The following IPPK variants were observed in gnomAD, a reference collection of about 807,000 sequenced individuals.
IPPK encodes the protein inositol-pentakisphosphate 2-kinase, also known as IPK1 homolog.
In IPPK, 22 loss-of-function variants were observed where a neutral mutation model predicts 64.6. The ratio of observed to expected loss-of-function variants is 0.34; its 90% CI spans 0.24 to 0.49. The LOEUF (loss-of-function observed/expected upper bound fraction) is 0.49. IPPK is among the 20% of genes least tolerant of loss of function. The pLI is 0.99. For missense variants in IPPK, 532 were observed against 630.7 expected (o/e 0.84, Z 1.68); for synonymous variants, 262 against 247.2 (o/e 1.06, Z -0.56).
intron 9 of IPPK, among the ~76,000 whole-genome samples, chr9:92,637,095 C>T (rs936128941): frequency 7.9e-5 from 12 of 152,020 alleles, no homozygotes; most frequent in Admixed American, 5.2e-4. Context: ...CCAAGGCAGG[C>T]GGATCACTTG....
At chr9:92,628,165 T>C (rs946571532) in intron 11 of IPPK, among the ~76,000 whole-genome samples, 2 of 152,210 alleles carry the variant, frequency 1.3e-5, no homozygotes, top group Non-Finnish European at 2.9e-5. Context: ...GTTTACACTC[T>C]GAAAACTAAA....
At chr9:92,652,725 G>A (rs926965391) in intron 3 of IPPK, 86 bp from the exon 4 acceptor site, 65 of 619,422 alleles carry the variant, frequency 1.0e-4, no homozygotes, top group African/African-American at 3.1e-4. Context: ...AAAAACAGTT[G>A]AGCTGTTGGT....
At chr9:92,618,632 C>A (rs1454675218) in intron 12 of IPPK, 1 of 449,390 alleles carries the variant, frequency 2.2e-6, no homozygotes, top group Non-Finnish European at 4.5e-6. Context: ...GTAGGTATTT[C>A]CTTAGGGGAT....
chr9:92,639,039 C>T (rs765498332), intron 8 of IPPK, among the ~76,000 whole-genome samples: 1 of 152,072 alleles, frequency 6.6e-6, no homozygotes, highest in Non-Finnish European at 1.5e-5. Context: ...TTATTTATTT[C>T]TTTTTAAAAA....
chr9:92,661,633 A>G (rs1852486451), intron 1 of IPPK, among the ~76,000 whole-genome samples: 1 of 152,236 alleles, frequency 6.6e-6, no homozygotes, highest in Non-Finnish European at 1.5e-5. Flanking sequence ...AAGAGCCACA[A>G]CCAACCAAGG....
chr9:92,654,388 G>T (rs756444111), intron 3 of IPPK, among the ~76,000 whole-genome samples: 1 of 152,030 alleles, frequency 6.6e-6, no homozygotes, highest in Non-Finnish European at 1.5e-5. Flanking sequence ...GCGGTGGTGC[G>T]CACCAGTAGT....
chr9:92,660,287 G>T (rs1268252893), intron 1 of IPPK, among the ~76,000 whole-genome samples: 1 of 152,160 alleles, frequency 6.6e-6, no homozygotes, highest in Non-Finnish European at 1.5e-5. Context: ...GTGTAAGTGT[G>T]ACTGAGGGTC....
intron 1 of IPPK, among the ~76,000 whole-genome samples, chr9:92,660,091 T>C (rs1325476526): frequency 6.6e-6 from 1 of 152,130 alleles, no homozygotes; most frequent in Non-Finnish European, 1.5e-5. Context: ...CAGAAGTTGA[T>C]CGACAGAAGT....
At chr9:92,646,998 G>A (rs369093485) in intron 6 of IPPK, among the ~76,000 whole-genome samples, 2 of 152,276 alleles carry the variant, frequency 1.3e-5, no homozygotes, top group East Asian at 3.9e-4. Context: ...ATAGAAAATG[G>A]GGGAGAGGGG....
chr9:92,633,486 A>T (rs1851882863), intron 11 of IPPK, among the ~76,000 whole-genome samples: 1 of 152,012 alleles, frequency 6.6e-6, no homozygotes, highest in South Asian at 2.1e-4. Context: ...TCAGCTTCCC[A>T]AGTGGCTGGG....
In IPPK at chr9:92,635,826, C is replaced by T. The variant is rs1232918361; in HGVS notation, c.917-518G>A. 6.6e-6 allele frequency among the ~76,000 whole-genome samples: 1 copy of T among 151,864 alleles called. No homozygotes were observed. The highest frequency in any genetic ancestry group is 1.9e-4 in the East Asian group (1 of 5,166). On this transcript the variant is annotated intron_variant, in intron 9 of 12. Coordinates refer to ENST00000287996, the MANE Select transcript of IPPK (RefSeq NM_022755.6). This position sits in a 1 kb window ranked among gnomAD's most constrained non-coding sequence, Gnocchi z 4.4. ...CAAGGAATTTCTAAGATCCTGCTGA[C>T]ATCCTAAATCTGCAAGACCACTAAA...
At chr9:92,627,098 CAAT>C (rs1375537652) in intron 11 of IPPK, among the ~76,000 whole-genome samples, 1 of 151,830 alleles carries the variant, frequency 6.6e-6, no homozygotes, top group African/African-American at 2.4e-5. Flanking sequence ...ATCTGTAGGC[CAAT>C]AAATTAGAAA....
At chr9:92,650,182 G>A (rs1472274315) in intron 4 of IPPK, among the ~76,000 whole-genome samples, 1 of 151,724 alleles carries the variant, frequency 6.6e-6, no homozygotes, top group Admixed American at 6.6e-5. Context: ...AATTAGCTGG[G>A]CGTGGTGGCA....
intron 1 of IPPK, among the ~76,000 whole-genome samples, chr9:92,662,254 G>A (rs1852499692): frequency 6.6e-6 from 1 of 152,154 alleles, no homozygotes; most frequent in South Asian, 2.1e-4. Flanking sequence ...GGCCAGGCGC[G>A]GTGGCTCATG....
At chr9:92,629,361 A>G (rs1410588518) in intron 11 of IPPK, among the ~76,000 whole-genome samples, 2 of 152,222 alleles carry the variant, frequency 1.3e-5, no homozygotes, top group Admixed American at 6.5e-5. Flanking sequence ...AAGGCAACCA[A>G]CAGAATAGGA....
At chr9:92,653,145 G>A (rs79249045) in intron 3 of IPPK, among the ~76,000 whole-genome samples, 5,504 of 152,350 alleles carry the variant, frequency 0.036, 140 homozygotes, top group Middle Eastern at 0.075. Context: ...CCTGAAGGAC[G>A]TGGTATAACC....
At chr9:92,618,094 T>C (rs566405795) in intron 12 of IPPK, 19 of 374,996 alleles carry the variant, frequency 5.1e-5, no homozygotes, top group Admixed American at 2.0e-4. Context: ...CCACAGTTAC[T>C]GGAACTTCAC....
intron 6 of IPPK, among the ~76,000 whole-genome samples, chr9:92,644,322 C>A (rs1587633747): frequency 6.6e-6 from 1 of 152,294 alleles, no homozygotes; most frequent in East Asian, 1.9e-4. Flanking sequence ...ATGCCCTATT[C>A]CCATCCCTGT....
chr9:92,664,812 G>A (rs1409968937), intron 1 of IPPK, among the ~76,000 whole-genome samples: 2 of 152,172 alleles, frequency 1.3e-5, no homozygotes, highest in South Asian at 2.1e-4. Context: ...TCACCCTCCT[G>A]GATCGCAGCT....
Sources: gnomAD v4.1 joint callset for allele counts (sites outside exome capture counted in the v4.1 genomes callset) on GRCh38, gnomAD v4.1.1 for gene constraint, Gnocchi (gnomAD v3.1) non-coding constraint, MANE v1.5 for transcripts, NCBI Gene and HGNC (gene_info 2026-07-23, HGNC 2026-07-21) for gene names.